FBXL2: variants seen among roughly 807,000 people sequenced by gnomAD.
FBXL2 encodes the protein F-box/LRR-repeat protein 2.
FBXL2 carries 38 observed loss-of-function variants against 69.2 expected under a neutral mutation model. The observed-to-expected ratio is 0.55, with a 90% CI of 0.42 to 0.72. The LOEUF is 0.72. FBXL2 is among the 30% of genes least tolerant of loss of function. FBXL2 has a pLI of 0.00. For missense variants in FBXL2, 354 were observed against 520.3 expected (o/e 0.68, Z 3.11); for synonymous variants, 192 against 201.3 (o/e 0.95, Z 0.39).
Position 33,387,356 on chromosome 3 carries a change from C to T in FBXL2, c.*1748C>T, listed in dbSNP as rs1396043668. The T allele has an allele frequency of 6.6e-6, 1 of 152,254 alleles. No homozygotes were observed. The highest frequency in any genetic ancestry group is 2.4e-5 in the African/African-American group (1 of 41,454). 9.4% of individuals were successfully genotyped at this position (152,254 alleles called of 1,614,324 possible). ...GTGGTTCATGCCTATAATCCCAGCA[C>T]TTGGGGAGGCCAAGGCGGGTGGATC... On this transcript the variant is annotated 3_prime_UTR_variant, in exon 15 of 15. Coordinates refer to ENST00000484457, the MANE Select transcript of FBXL2 (RefSeq NM_012157.5).
At chr3:33,391,559 T>A (rs2043764931), downstream of FBXL2, 1 of 152,164 alleles carries the variant, frequency 6.6e-6, no homozygotes, top group South Asian at 2.1e-4. Flanking sequence ...TTTCTACATA[T>A]CCAAAATCAA....
In FBXL2 at chr3:33,340,217, T is replaced by A. The variant is rs911243824; in HGVS notation, c.66-18750T>A. Among the ~76,000 whole-genome samples, 3 of 152,148 alleles carry A rather than the reference T, an allele frequency of 2.0e-5. No individual in the cohort carries two copies. In the East Asian group the frequency reaches 5.8e-4, roughly 29 times the overall value. The stretch of plus-strand genomic sequence containing the variant: ...GAGAGTGAGATAGTGGTATTATAAG[T>A]TTGTATATGTATTTTTATACCTAGG... On this transcript the variant is annotated intron_variant, in intron 2 of 14. Transcript: ENST00000484457.
chr3:33,285,396 C>G (rs558421953), intron 1 of FBXL2, among the ~76,000 whole-genome samples: 16 of 152,320 alleles, frequency 1.1e-4, no homozygotes, highest in Non-Finnish European at 2.1e-4. Context: ...TGTAGAGTTT[C>G]TGCCAAGAGA....
chr3:33,364,404 G>A (rs986188707), intron 4 of FBXL2: 15 of 552,746 alleles, frequency 2.7e-5, no homozygotes, highest in African/African-American at 2.3e-4. Context: ...TTTGTTTGTT[G>A]GTTGGTTTTA....
chr3:33,415,619 G>A, the FBXL2 span, among the ~76,000 whole-genome samples: 1 of 151,920 alleles, frequency 6.6e-6, no homozygotes, highest in African/African-American at 2.4e-5. Flanking sequence ...ATAATAAAAA[G>A]TTAAAAAAAT....
intron 2 of FBXL2, among the ~76,000 whole-genome samples, chr3:33,355,118 TG>T (rs1441980353): frequency 6.6e-6 from 1 of 152,070 alleles, no homozygotes; most frequent in Non-Finnish European, 1.5e-5. Flanking sequence ...TTTGTAGCAA[TG>T]GGGTTTCACC....
chr3:33,291,675 GA>G (rs910956907), intron 1 of FBXL2, among the ~76,000 whole-genome samples: 14 of 151,252 alleles, frequency 9.3e-5, no homozygotes, highest in Admixed American at 3.9e-4. Flanking sequence ...AGCAAACATT[GA>G]AAAAAAATAC....
intron 2 of FBXL2, among the ~76,000 whole-genome samples, chr3:33,331,171 A>G (rs998571871): frequency 2.0e-5 from 3 of 152,080 alleles, no homozygotes; most frequent in Non-Finnish European, 4.4e-5. Context: ...TAATTGTCAT[A>G]AAAGAAAAAA....
At chr3:33,363,095 C>T (rs2154042734) in intron 4 of FBXL2, among the ~76,000 whole-genome samples, 1 of 152,246 alleles carries the variant, frequency 6.6e-6, no homozygotes, top group East Asian at 1.9e-4. Flanking sequence ...GGCTGGACTG[C>T]AGTGGCATGA....
At position 33,277,505 on chromosome 3, in the gene FBXL2, C is replaced by G; in HGVS notation, c.-8C>G. 4 of 1,301,396 alleles carry G rather than the reference C, an allele frequency of 3.1e-6. No homozygotes were observed. The highest frequency in any genetic ancestry group is 3.9e-6 in the Non-Finnish European group (4 of 1,015,980). 80.6% of individuals were successfully genotyped at this position (1,301,396 alleles called of 1,614,324 possible). A position where few individuals can be genotyped will look rare whatever the true frequency, so the allele number is the denominator to read the frequency against. ...TCGGGCTGTGGGCTCGCTCGCGGCT[C>G]TTCGGCCATGGTGAGTCTGGGACCC... On this transcript the variant is annotated 5_prime_UTR_variant, in exon 1 of 15. Transcript: ENST00000484457.
the FBXL2 span, chr3:33,416,855 T>TA: frequency 6.3e-7 from 1 of 1,587,174 alleles, no homozygotes; most frequent in African/African-American, 1.3e-5. Flanking sequence ...AAATTGTGTA[T>TA]AAAAAACAAT....
intron 2 of FBXL2, among the ~76,000 whole-genome samples, chr3:33,338,092 T>C (rs189161318): frequency 2.9e-4 from 44 of 152,312 alleles, no homozygotes; most frequent in African/African-American, 1.0e-3. Flanking sequence ...GCCTTTTTTT[T>C]CACAGAATTA....
intron 2 of FBXL2, among the ~76,000 whole-genome samples, chr3:33,298,807 C>G (rs1246673058): frequency 6.6e-6 from 1 of 151,580 alleles, no homozygotes; most frequent in South Asian, 2.1e-4. Flanking sequence ...AGTCATTCCC[C>G]TAACTGTTTC....
intron 2 of FBXL2, among the ~76,000 whole-genome samples, chr3:33,353,500 A>T (rs958187356): frequency 6.6e-6 from 1 of 152,232 alleles, no homozygotes; most frequent in Non-Finnish European, 1.5e-5. Flanking sequence ...CCATAAATGC[A>T]TGTTGCTAAG....
chr3:33,360,993 G>T (rs981050779), intron 4 of FBXL2, among the ~76,000 whole-genome samples: 4 of 138,352 alleles, frequency 2.9e-5, no homozygotes, highest in African/African-American at 1.1e-4. Flanking sequence ...GTGCAGTGGC[G>T]TGGTCTCGGC....
At chr3:33,319,043 C>G (rs2037964645) in intron 2 of FBXL2, among the ~76,000 whole-genome samples, 1 of 152,194 alleles carries the variant, frequency 6.6e-6, no homozygotes, top group Non-Finnish European at 1.5e-5. Context: ...GAATCCCAGG[C>G]AAGATGGGAG....
chr3:33,398,892 T>G (rs1192759330), intron 12 of FBXL2, among the ~76,000 whole-genome samples: 1 of 152,188 alleles, frequency 6.6e-6, no homozygotes, highest in East Asian at 1.9e-4. Context: ...CAATTTCTAG[T>G]TTTTCACACA....
At chr3:33,385,362 A>T in intron 14 of FBXL2, 139 bp from the exon 15 acceptor site, 1 of 792,840 alleles carries the variant, frequency 1.3e-6, no homozygotes, top group Non-Finnish European at 2.2e-6. Context: ...TAACAGGAGT[A>T]GCTCTAATCT....
rs1190182948 is a variant in FBXL2, at chr3:33,384,303, G to A, written c.1164+102G>A. ...GCTAGGCACGCGGTGGCTCACGCCT[G>A]TAATCCCAACACTTTCAGAAGCCAA... On this transcript the variant is annotated intron_variant, in intron 14 of 14. Coordinates refer to ENST00000484457, the MANE Select transcript of FBXL2 (RefSeq NM_012157.5). The A allele has an allele frequency of 4.3e-6, 5 of 1,150,442 alleles. No homozygotes were observed. In the Admixed American group the frequency reaches 8.3e-5, roughly 19 times the overall value. The allele number at this position is 1,150,442 out of a possible 1,614,324, so 71.3% of individuals were successfully genotyped here.
Sources: allele counts gnomAD v4.1 joint callset (sites outside exome capture counted in the v4.1 genomes callset), GRCh38; gene constraint gnomAD v4.1.1; transcripts MANE v1.5; gene names NCBI Gene and HGNC (gene_info 2026-07-23, HGNC 2026-07-21).